The following PTPRG variants were observed in gnomAD, a reference collection of about 807,000 sequenced individuals.
PTPRG encodes the protein receptor-type tyrosine-protein phosphatase gamma.
A neutral mutation model predicts 165.3 loss-of-function variants in PTPRG; 102 were observed. That is an observed-to-expected ratio of 0.62 (90% confidence interval 0.53 to 0.73). PTPRG has a LOEUF of 0.73. Among genes scored for constraint, PTPRG ranks in the 30% least tolerant of loss-of-function variants. PTPRG has a pLI of 0.00. For missense variants in PTPRG, 1,866 were observed against 1,861.4 expected (o/e 1.00, Z -0.05); for synonymous variants, 675 against 669.5 (o/e 1.01, Z -0.13).
At chr3:61,919,273 C>T (rs1447935510) in intron 2 of PTPRG, among the ~76,000 whole-genome samples, 1 of 152,122 alleles carries the variant, frequency 6.6e-6, no homozygotes, top group Non-Finnish European at 1.5e-5. Flanking sequence ...TGTGGTTGAT[C>T]ATGCACAGTT....
rs35605831 is a variant in PTPRG at position 62,064,721 on chromosome 3, ATTTTTTTTTT to A, written c.520-13423_520-13414del. Among the ~76,000 whole-genome samples, 377 of 62,948 alleles carry A rather than the reference ATTTTTTTTTT, an allele frequency of 6.0e-3. 2 individuals are homozygous for A. The highest frequency in any genetic ancestry group is 9.1e-3 in the Non-Finnish European group (326 of 35,690). The allele number at this position is 62,948 out of a possible 152,430, so 41.3% of individuals were successfully genotyped here. A position where few individuals can be genotyped will look rare whatever the true frequency, so the allele number is the denominator to read the frequency against. On this transcript the variant is annotated intron_variant, in intron 4 of 29. Coordinates refer to ENST00000474889, the MANE Select transcript of PTPRG (RefSeq NM_002841.4). The stretch of plus-strand genomic sequence containing the variant: ...GATTCTTTACTTACTGGTTATTTGG[ATTTTTTTTTT>A]TTTTTTTTTTTTTTTTTTGAGGCGG...
At chr3:61,990,126 C>G (rs946199853) in intron 3 of PTPRG, among the ~76,000 whole-genome samples, 2 of 151,876 alleles carry the variant, frequency 1.3e-5, no homozygotes, top group African/African-American at 4.8e-5. Flanking sequence ...CTAGTAGCCA[C>G]TAGCCACATG....
At chr3:61,850,998 G>T (rs1175638874) in intron 2 of PTPRG, among the ~76,000 whole-genome samples, 1 of 152,180 alleles carries the variant, frequency 6.6e-6, no homozygotes, top group Non-Finnish European at 1.5e-5. Flanking sequence ...GTCAGGTTAG[G>T]TAAGATTCTT....
intron 5 of PTPRG, among the ~76,000 whole-genome samples, chr3:62,125,891 C>G (rs1471466886): frequency 2.6e-5 from 4 of 152,014 alleles, no homozygotes; most frequent in African/African-American, 9.7e-5. Context: ...AAGCCTTTCC[C>G]AAAACCTTCT....
chr3:61,935,539 C>G (rs2039464679), intron 2 of PTPRG, among the ~76,000 whole-genome samples: 1 of 152,108 alleles, frequency 6.6e-6, no homozygotes, highest in African/African-American at 2.4e-5. Context: ...CTACCTAAAG[C>G]AGTGTAGACA....
At chr3:61,815,350 C>T (rs192563058) in intron 2 of PTPRG, among the ~76,000 whole-genome samples, 133 of 152,144 alleles carry the variant, frequency 8.7e-4, no homozygotes, top group African/African-American at 3.0e-3. Flanking sequence ...GTGGAGGTTG[C>T]AGTGACCTGA....
At chr3:61,995,678 GCCCGCCTT>G (rs1293887746) in intron 3 of PTPRG, among the ~76,000 whole-genome samples, 6 of 92,310 alleles carry the variant, frequency 6.5e-5, no homozygotes, top group Non-Finnish European at 6.9e-5. Context: ...CTGCCTGCCC[GCCCGCCTT>G]CCTTCCTTCC....
intron 4 of PTPRG, among the ~76,000 whole-genome samples, chr3:62,052,162 A>C (rs1700488830): frequency 6.6e-6 from 1 of 152,204 alleles, no homozygotes; most frequent in African/African-American, 2.4e-5. Context: ...CATCTGCAAT[A>C]TATTTTGTGA....
intron 2 of PTPRG, among the ~76,000 whole-genome samples, chr3:61,972,410 T>A (rs377611111): frequency 4.6e-5 from 7 of 151,278 alleles, no homozygotes; most frequent in East Asian, 2.0e-4. Flanking sequence ...TTGGGGGGTT[T>A]CATGCAGGTG....
At position 62,017,574 on chromosome 3, in the gene PTPRG, C is replaced by G. The variant is rs1366111521; in HGVS notation, c.519+14077C>G. On this transcript the variant is annotated intron_variant, in intron 4 of 29. Coordinates refer to ENST00000474889, the MANE Select transcript of PTPRG (RefSeq NM_002841.4). ...GGGACTACAGGCGCCCACCACCGCG[C>G]CCGGCTAATTTTTTGTATTTTTTTT... 1.4e-4 allele frequency among the ~76,000 whole-genome samples: 20 copies of G among 140,198 alleles called. No individual in the cohort carries two copies. The Admixed American group carries it at 1.5e-3, about 11-fold the overall frequency. The allele number at this position is 140,198 out of a possible 152,430, so 92.0% of individuals were successfully genotyped here.
intron 27 of PTPRG, 102 bp from the exon 28 acceptor site, chr3:62,282,625 G>A (rs1385999578): frequency 1.7e-6 from 2 of 1,155,434 alleles, no homozygotes; most frequent in Non-Finnish European, 2.4e-6. Context: ...ATTGTTGAGA[G>A]TTACCTATAA....
chr3:62,067,100 C>G (rs550569412), intron 4 of PTPRG, among the ~76,000 whole-genome samples: 1 of 150,216 alleles, frequency 6.7e-6, no homozygotes, highest in South Asian at 2.1e-4. Context: ...TCACAGCAGA[C>G]TTGATCCTCC....
At chr3:61,731,870 C>T (rs899136736) in intron 1 of PTPRG, among the ~76,000 whole-genome samples, 5 of 151,030 alleles carry the variant, frequency 3.3e-5, no homozygotes, top group South Asian at 2.1e-4. Context: ...GGTGAGATCT[C>T]GGTTCACTGC....
intron 1 of PTPRG, among the ~76,000 whole-genome samples, chr3:61,587,599 T>A (rs1700463431): frequency 6.6e-6 from 1 of 152,218 alleles, no homozygotes; most frequent in Admixed American, 6.5e-5. Flanking sequence ...TAGTTAATTA[T>A]CCCACTAATG....
At chr3:61,751,832 T>C (rs967617693) in intron 2 of PTPRG, among the ~76,000 whole-genome samples, 1 of 151,470 alleles carries the variant, frequency 6.6e-6, no homozygotes, top group African/African-American at 2.4e-5. Flanking sequence ...CTACTAAAAA[T>C]ACAAAAAAAA....
At chr3:61,929,369 A>G (rs2039304231) in intron 2 of PTPRG, among the ~76,000 whole-genome samples, 1 of 152,184 alleles carries the variant, frequency 6.6e-6, no homozygotes, top group Non-Finnish European at 1.5e-5. Flanking sequence ...GCTTTTTACC[A>G]GATCGAGCGT....
intron 2 of PTPRG, among the ~76,000 whole-genome samples, chr3:61,850,689 T>C (rs989010807): frequency 1.3e-5 from 2 of 152,232 alleles, no homozygotes; most frequent in African/African-American, 4.8e-5. Context: ...TTATATTGTT[T>C]ATATTTTTAT....
intron 2 of PTPRG, among the ~76,000 whole-genome samples, chr3:61,947,796 A>G (rs886193317): frequency 3.9e-5 from 6 of 152,210 alleles, no homozygotes; most frequent in East Asian, 3.8e-4. Context: ...CAAAAGTCTT[A>G]TCCTTGGACC....
At position 62,271,444 on chromosome 3, in the gene PTPRG, C is replaced by T. The variant is rs1702059344; in HGVS notation, c.3071C>T (p.Thr1024Ile). Residue 1024 changes from threonine to isoleucine, a missense_variant, in exon 21 of 30, where the codon ACA becomes ATA. By Grantham distance (89) the Thr-to-Ile change is moderately conservative (BLOSUM62 -1). This residue lies in a region of PTPRG where 1,452 missense variants were observed against 1,463.0 expected (regional missense o/e 0.99). Coordinates refer to ENST00000474889, the MANE Select transcript of PTPRG (RefSeq NM_002841.4). The surrounding 1 kb of genome is among the most constrained non-coding windows in gnomAD (Gnocchi z 4.1). ...AGGGTAGTGATCCAGTATCACTATA[C>T]ACAGTGGCCTGACATGGGAGTTCCC... ...NERVVIQYHY[T>I]QWPDMGVPEY... The T allele has an allele frequency of 4.3e-6, 7 of 1,613,678 alleles. No individual in the cohort carries two copies. The highest frequency in any genetic ancestry group is 5.1e-6 in the Non-Finnish European group (6 of 1,179,590).
Sources: allele counts gnomAD v4.1 joint callset (sites outside exome capture counted in the v4.1 genomes callset), GRCh38; gene constraint gnomAD v4.1.1; regional missense constraint gnomAD v4.1.1; non-coding constraint Gnocchi (gnomAD v3.1); transcripts MANE v1.5; gene names NCBI Gene and HGNC (gene_info 2026-07-23, HGNC 2026-07-21).